Variants in WDR25 observed in about 807,000 individuals in gnomAD.
WDR25 encodes WD repeat-containing protein 25.
In WDR25, 35 loss-of-function variants were observed where a neutral mutation model predicts 47.7. The ratio of observed to expected loss-of-function variants is 0.73; its 90% confidence interval spans 0.56 to 0.97. WDR25 has a LOEUF of 0.97. Among genes scored for constraint, WDR25 ranks in the 50% least tolerant of loss-of-function variants. WDR25 has a pLI of 0.00. For synonymous variants in WDR25, 248 were observed against 278.9 expected (o/e 0.89, Z 1.10); for missense variants, 634 against 704.7 (o/e 0.90, Z 1.14).
chr14:100,506,207 T>C lies in WDR25; in HGVS notation c.1102-19663T>C, dbSNP rs1901104301. 6.6e-6 allele frequency among the ~76,000 whole-genome samples: 1 copy of C among 152,230 alleles called. No homozygotes were observed. On this transcript the variant is annotated intron_variant, in intron 4 of 6. Transcript: ENST00000402312. This position sits in a 1 kb window ranked among gnomAD's most constrained non-coding sequence, Gnocchi z 4.8. ...TGCATTAATTTGCTTAGGAAAATGG[T>C]CTCCAACTTCATCCGTGTTGCTGCA... is the stretch of plus-strand genomic sequence containing the variant.
At chr14:100,420,598 G>A (rs1482854098) in intron 2 of WDR25, among the ~76,000 whole-genome samples, 2 of 152,178 alleles carry the variant, frequency 1.3e-5, no homozygotes, top group Non-Finnish European at 2.9e-5. Flanking sequence ...GGAATTGCTA[G>A]CCAAGACTAA....
chr14:100,516,766 G>A (rs1901510343), intron 4 of WDR25, among the ~76,000 whole-genome samples: 1 of 151,982 alleles, frequency 6.6e-6, no homozygotes, highest in South Asian at 2.1e-4. Flanking sequence ...TATTTAAGGT[G>A]GCTGTCTTGT....
chr14:100,459,740 G>T (rs1482749007), intron 2 of WDR25, among the ~76,000 whole-genome samples: 1 of 151,398 alleles, frequency 6.6e-6, no homozygotes, highest in Non-Finnish European at 1.5e-5. Flanking sequence ...CCCTCAGAAG[G>T]AACCAACCCT....
chr14:100,477,472 T>A (rs1201507456), intron 3 of WDR25, among the ~76,000 whole-genome samples: 2 of 152,224 alleles, frequency 1.3e-5, no homozygotes, highest in Admixed American at 1.3e-4. Flanking sequence ...AACAGAATTT[T>A]CTATAACAAA....
At chr14:100,432,684 G>A (rs1160585568) in intron 2 of WDR25, among the ~76,000 whole-genome samples, 3 of 152,326 alleles carry the variant, frequency 2.0e-5, no homozygotes, top group Middle Eastern at 3.4e-3. Flanking sequence ...ATTTCAGTGT[G>A]TGTTTCCTAA....
intron 2 of WDR25, among the ~76,000 whole-genome samples, chr14:100,391,881 G>A (rs1897153587): frequency 6.6e-6 from 1 of 152,138 alleles, no homozygotes; most frequent in African/African-American, 2.4e-5. Context: ...CTTCTCTCCT[G>A]AGTGTACATG....
chr14:100,414,936 T>C (rs563121922), intron 2 of WDR25, among the ~76,000 whole-genome samples: 2 of 151,526 alleles, frequency 1.3e-5, no homozygotes, highest in African/African-American at 4.8e-5. Flanking sequence ...AAAGGTCCCT[T>C]TATTTCTAGA....
rs978436392 is a variant in WDR25, at chr14:100,464,584, G to A, written c.823-3437G>A. Among the ~76,000 whole-genome samples the A allele has an allele frequency of 3.6e-4, 53 of 148,308 alleles. 2 individuals carry two copies. Among genetic ancestry groups the A allele is most frequent in the Admixed American group, 3.1e-3 (46 of 14,940 alleles). Reference sequence around the variant, plus strand: ...GGAAACATTTGGGCATGTTTTCTTCGGAGAGCATTTTCCATCTCTCCCTCT... The same window carrying A: ...GGAAACATTTGGGCATGTTTTCTTCAGAGAGCATTTTCCATCTCTCCCTCT... On this transcript the variant is annotated intron_variant, in intron 2 of 6. Coordinates refer to ENST00000402312, the MANE Select transcript of WDR25 (RefSeq NM_001161476.3).
chr14:100,436,434 C>T (rs1160658160), intron 2 of WDR25, among the ~76,000 whole-genome samples: 3 of 152,142 alleles, frequency 2.0e-5, no homozygotes, highest in Admixed American at 6.5e-5. Flanking sequence ...TATTTTGCAG[C>T]GGTATAATTT....
At chr14:100,480,896 C>T (rs1900175214) in intron 3 of WDR25, 4 of 306,420 alleles carry the variant, frequency 1.3e-5, no homozygotes, top group African/African-American at 4.5e-5. Flanking sequence ...CCCAGCTTTG[C>T]AAAGGCTCTC....
At chr14:100,457,714 T>A (rs1899250651) in intron 2 of WDR25, among the ~76,000 whole-genome samples, 1 of 152,248 alleles carries the variant, frequency 6.6e-6, no homozygotes. Flanking sequence ...GATGATTGAC[T>A]GTTTAGAGTA....
chr14:100,397,149 G>A (rs1044813187), intron 2 of WDR25, among the ~76,000 whole-genome samples: 1 of 152,202 alleles, frequency 6.6e-6, no homozygotes, highest in African/African-American at 2.4e-5. Flanking sequence ...AAAGCAAAGG[G>A]AACATACTTT....
intron 2 of WDR25, among the ~76,000 whole-genome samples, chr14:100,448,739 C>T (rs2140260287): frequency 6.6e-6 from 1 of 152,138 alleles, no homozygotes; most frequent in African/African-American, 2.4e-5. Context: ...AAACATTACA[C>T]ATAAAAGAAC....
At chr14:100,484,670 T>C (rs879750736) in intron 4 of WDR25, among the ~76,000 whole-genome samples, 1 of 152,114 alleles carries the variant, frequency 6.6e-6, no homozygotes, top group African/African-American at 2.4e-5. Flanking sequence ...ACTTACTAGA[T>C]GGCAGCTCCA....
In WDR25 at chr14:100,380,939, T is replaced by C. The variant is rs759125850; in HGVS notation, c.15T>C (p.Thr5=). The change falls in exon 2 of 7, where the codon ACT becomes ACC. Residue 5 remains threonine (T), a synonymous_variant. Coordinates refer to ENST00000402312, the MANE Select transcript of WDR25 (RefSeq NM_001161476.3). The part of the protein sequence containing the change: MTAR[T]LSLMASLVAY... ...TTTGGCTTTGAATGACAGCAAGAACTCTGTCTTTAATGGCTTCATTGGTAG... is the reference window on the plus strand; with the variant it reads ...TTTGGCTTTGAATGACAGCAAGAACCCTGTCTTTAATGGCTTCATTGGTAG... 6.2e-7 allele frequency: 1 copy of C among 1,612,532 alleles called. No individual in the cohort carries two copies. Among genetic ancestry groups the C allele is most frequent in the South Asian group, 1.1e-5 (1 of 91,042 alleles).
intron 2 of WDR25, among the ~76,000 whole-genome samples, chr14:100,433,668 C>A (rs1566908075): frequency 1.3e-5 from 2 of 152,136 alleles, no homozygotes; most frequent in Non-Finnish European, 2.9e-5. Flanking sequence ...TTCATTCCCC[C>A]CCCATTAGTC....
intron 2 of WDR25, among the ~76,000 whole-genome samples, chr14:100,447,414 G>A (rs1595097303): frequency 6.6e-6 from 1 of 152,224 alleles, no homozygotes; most frequent in East Asian, 1.9e-4. Flanking sequence ...CGTGTGCTGA[G>A]GCGTGGGCGT....
chr14:100,517,671 C>T lies in WDR25; in HGVS notation c.1102-8199C>T, dbSNP rs184910775. Among the ~76,000 whole-genome samples, 770 of 152,136 alleles carry T rather than the reference C, an allele frequency of 5.1e-3. 7 individuals carry two copies. The highest frequency in any genetic ancestry group is 0.014 in the African/African-American group (575 of 41,510). On this transcript the variant is annotated intron_variant, in intron 4 of 6. Coordinates refer to ENST00000402312, the MANE Select transcript of WDR25 (RefSeq NM_001161476.3). ...GCAGCCTGACCAACATGGAGAAACCCCATCTCTACTAAAAATACAAAAATT... is the reference window on the plus strand; with the variant it reads ...GCAGCCTGACCAACATGGAGAAACCTCATCTCTACTAAAAATACAAAAATT...
intron 2 of WDR25, among the ~76,000 whole-genome samples, chr14:100,388,774 G>A (rs182188853): frequency 6.6e-6 from 1 of 152,314 alleles, no homozygotes; most frequent in African/African-American, 2.4e-5. Context: ...TGTGTTTTCT[G>A]CTTTTTAATA....
Sources: gnomAD v4.1 joint callset for allele counts (sites outside exome capture counted in the v4.1 genomes callset) on GRCh38, gnomAD v4.1.1 for gene constraint, Gnocchi (gnomAD v3.1) non-coding constraint, MANE v1.5 for transcripts, NCBI Gene and HGNC (gene_info 2026-07-23, HGNC 2026-07-21) for gene names.